The following SDK1 variants were observed in gnomAD, a reference collection of about 807,000 sequenced individuals.
The protein encoded by SDK1 is protein sidekick-1.
Under a neutral mutation model 245.5 loss-of-function variants are expected in SDK1, and 157 were observed. That is an observed-to-expected ratio of 0.64 (90% CI 0.56 to 0.73). The LOEUF (loss-of-function observed/expected upper bound fraction) is 0.73. Ranked by LOEUF, SDK1 falls within the 30% of genes least tolerant of loss-of-function variation. The pLI, the probability that SDK1 is intolerant of heterozygous loss-of-function variation, is 0.00. For synonymous variants in SDK1, 1,647 were observed against 1,278.5 expected (o/e 1.29, Z -6.15); for missense variants, 3,583 against 3,002.3 (o/e 1.19, Z -4.52).
intron 1 of SDK1, among the ~76,000 whole-genome samples, chr7:3,602,451 T>C (rs1032390443): frequency 3.3e-5 from 5 of 152,006 alleles, no homozygotes; most frequent in African/African-American, 1.2e-4. Context: ...TTTTTTCATG[T>C]CTTTTGGCTG....
chr7:3,591,256 A>T (rs1388680051), intron 1 of SDK1, among the ~76,000 whole-genome samples: 1 of 152,102 alleles, frequency 6.6e-6, no homozygotes, highest in Non-Finnish European at 1.5e-5. Flanking sequence ...TTCCTTTTGC[A>T]GTGTCATAAT....
chr7:3,466,628 T>C (rs1252373024), intron 1 of SDK1, among the ~76,000 whole-genome samples: 1 of 151,492 alleles, frequency 6.6e-6, no homozygotes, highest in African/African-American at 2.4e-5. Context: ...TATCCATGTT[T>C]CATGTGAAAT....
At position 3,940,352 on chromosome 7, in the gene SDK1, C is replaced by G. The variant is rs1431429641; in HGVS notation, c.848-10571C>G. Among the ~76,000 whole-genome samples the G allele has an allele frequency of 2.6e-5, 4 of 152,260 alleles. No individual in the cohort carries two copies. The East Asian group carries it at 7.7e-4, about 29-fold the overall frequency. On this transcript the variant is annotated intron_variant, in intron 5 of 44. Coordinates refer to ENST00000404826, the MANE Select transcript of SDK1 (RefSeq NM_152744.4). ...TCTGCTTCTGTATAGCTCTGCATTC[C>G]TTAGCCACCGTCCTGCAAGGCAAAC...
At chr7:4,000,949 G>A (rs953231147) in intron 14 of SDK1, among the ~76,000 whole-genome samples, 18 of 152,178 alleles carry the variant, frequency 1.2e-4, no homozygotes, top group Admixed American at 8.5e-4. Flanking sequence ...GGGGCCCAGA[G>A]GGGGCTGAGG....
intron 35 of SDK1, among the ~76,000 whole-genome samples, chr7:4,202,605 C>T (rs984010391): frequency 2.6e-5 from 4 of 152,188 alleles, no homozygotes; most frequent in African/African-American, 4.8e-5. Context: ...GATGACCTTC[C>T]GCCTGGCGGA....
chr7:4,201,119 C>G (rs890606028), intron 35 of SDK1, among the ~76,000 whole-genome samples: 4 of 152,218 alleles, frequency 2.6e-5, no homozygotes, highest in African/African-American at 9.6e-5. Context: ...TCTGCATTTC[C>G]TGGGTTGCTT....
chr7:4,203,925 T>C (rs649232), intron 35 of SDK1, among the ~76,000 whole-genome samples: 72,317 of 152,200 alleles, frequency 0.48, 17,723 homozygotes, highest in African/African-American at 0.56. Context: ...TGAGACAGGG[T>C]CATGGGCCTT....
chr7:3,939,421 A>G (rs533587273), intron 5 of SDK1, among the ~76,000 whole-genome samples: 1 of 152,398 alleles, frequency 6.6e-6, no homozygotes, highest in East Asian at 1.9e-4. Flanking sequence ...TAAGAAGGTG[A>G]ACGTGTGGAA....
At chr7:3,656,676 G>C (rs1438990349) in intron 4 of SDK1, among the ~76,000 whole-genome samples, 1 of 151,908 alleles carries the variant, frequency 6.6e-6, no homozygotes, top group Non-Finnish European at 1.5e-5. Flanking sequence ...TGCTCCTTGG[G>C]AACTCTCTCT....
At chr7:4,225,766 A>G (rs1785405391) in intron 40 of SDK1, among the ~76,000 whole-genome samples, 1 of 152,174 alleles carries the variant, frequency 6.6e-6, no homozygotes, top group African/African-American at 2.4e-5. Context: ...GGTTGGGGCC[A>G]GTGTGTGGAA....
intron 1 of SDK1, among the ~76,000 whole-genome samples, chr7:3,383,619 T>C (rs1781543078): frequency 6.6e-6 from 1 of 152,198 alleles, no homozygotes; most frequent in Non-Finnish European, 1.5e-5. Context: ...GATATTTTCG[T>C]GTAACTTTTA....
chr7:3,559,553 A>G (rs1779685577), intron 1 of SDK1, among the ~76,000 whole-genome samples: 1 of 152,170 alleles, frequency 6.6e-6, no homozygotes, highest in Admixed American at 6.5e-5. Flanking sequence ...CCTCAGATGT[A>G]GTCATTCATT....
chr7:3,855,378 A>C (rs369262597), intron 5 of SDK1, among the ~76,000 whole-genome samples: 1 of 152,060 alleles, frequency 6.6e-6, no homozygotes, highest in Non-Finnish European at 1.5e-5. Context: ...GAAAAGGTAC[A>C]TTTACTATTT....
At chr7:3,741,979 GTAGTGTGCATA>G (rs1779487076) in intron 4 of SDK1, among the ~76,000 whole-genome samples, 1 of 107,000 alleles carries the variant, frequency 9.3e-6, no homozygotes, top group Non-Finnish European at 1.8e-5. Flanking sequence ...TTCCCATATT[GTAGTGTGCATA>G]TATATATATA....
intron 1 of SDK1, among the ~76,000 whole-genome samples, chr7:3,533,482 A>C (rs1204855455): frequency 6.6e-6 from 1 of 152,220 alleles, no homozygotes; most frequent in Non-Finnish European, 1.5e-5. Flanking sequence ...GTAAGGGCTT[A>C]TGTTATAGGC....
In SDK1 at chr7:4,265,536, G is replaced by T; in HGVS notation, c.*152G>T. On this transcript the variant is annotated 3_prime_UTR_variant, in exon 45 of 45. Transcript: ENST00000404826. ...TGATTTTACCTACTTGTGGACACTA[G>T]ATTTCAATTAGGAAGGTTTTTTTAA... 1.5e-6 allele frequency: 2 copies of T among 1,344,850 alleles called. No individual in the cohort carries two copies. Among genetic ancestry groups the T allele is most frequent in the Non-Finnish European group, 1.9e-6 (2 of 1,057,042 alleles). The allele number at this position is 1,344,850 out of a possible 1,614,324, so 83.3% of individuals were successfully genotyped here. A position where few individuals can be genotyped will look rare whatever the true frequency, so the allele number is the denominator to read the frequency against.
At chr7:4,088,752 A>G (rs1057274693) in intron 22 of SDK1, among the ~76,000 whole-genome samples, 7 of 152,168 alleles carry the variant, frequency 4.6e-5, no homozygotes, top group Admixed American at 1.3e-4. Flanking sequence ...AGATTGTTGT[A>G]TCCATGTTCA....
intron 1 of SDK1, among the ~76,000 whole-genome samples, chr7:3,474,180 G>T (rs1426757722): frequency 7.8e-6 from 1 of 128,030 alleles, no homozygotes; most frequent in Non-Finnish European, 1.6e-5. Flanking sequence ...TCGGCTCACT[G>T]CAACCTCTGC....
In SDK1 at chr7:3,952,083, C is replaced by G; in HGVS notation, c.1150+163C>G. 9.3e-6 allele frequency: 6 copies of G among 644,648 alleles called. No individual in the cohort carries two copies. The African/African-American group carries it at 1.1e-4, about 12-fold the overall frequency. 39.9% of individuals were successfully genotyped at this position (644,648 alleles called of 1,614,324 possible). On this transcript the variant is annotated intron_variant, in intron 7 of 44. Transcript: ENST00000404826. ...CGAAATCCTTCCTAGCCTTCTTTCC[C>G]AAGAATATAAGTCCATTAAATCCAA...
Sources: allele counts gnomAD v4.1 joint callset (sites outside exome capture counted in the v4.1 genomes callset), GRCh38; gene constraint gnomAD v4.1.1; transcripts MANE v1.5; gene names NCBI Gene and HGNC (gene_info 2026-07-23, HGNC 2026-07-21).